Variants in ZNF469 observed in about 807,000 individuals in gnomAD.
ZNF469 encodes the protein zinc finger protein 469.
Under a neutral mutation model 1.0 loss-of-function variants are expected in ZNF469, and 1 was observed. That is an observed-to-expected ratio of 1.00 (90% CI 0.35 to 4.73). The LOEUF (loss-of-function observed/expected upper bound fraction) is 4.73, where lower values mean the gene tolerates loss of function less well. Among genes scored for constraint, ZNF469 ranks in the 30% most tolerant of loss-of-function variants. The probability of loss-of-function intolerance (pLI) is 0.16; values close to 1 mark genes in which losing one functional copy is unlikely to be tolerated. For synonymous variants in ZNF469, 2,703 were observed against 2,363.4 expected (o/e 1.14, Z -4.17); for missense variants, 6,100 against 5,356.3 (o/e 1.14, Z -4.33).
At chr16:88,137,326 G>A in the ZNF469 span, among the ~76,000 whole-genome samples, 1 of 152,190 alleles carries the variant, frequency 6.6e-6, no homozygotes, top group Admixed American at 6.5e-5. Context: ...CCTGTGTACA[G>A]CTATGCATGC....
rs757816736 is a variant in ZNF469 at position 88,437,175 on chromosome 16, G to A, written c.9705G>A (p.Ala3235=). Residue 3235 remains alanine (A), a synonymous_variant, in exon 3 of 3, where the codon GCG becomes GCA. Coordinates refer to ENST00000565624, the MANE Select transcript of ZNF469 (RefSeq NM_001367624.2). ...AHLLNSITEP[A]PKHHRGKRSA... Reference sequence around the variant, plus strand: ...TTCTGAACAGCATCACGGAACCCGCGCCCAAACACCACAGGGGCAAGCGCT... The same window carrying A: ...TTCTGAACAGCATCACGGAACCCGCACCCAAACACCACAGGGGCAAGCGCT... 30 of 1,549,332 alleles carry A rather than the reference G, an allele frequency of 1.9e-5. No homozygotes were observed. Among genetic ancestry groups the A allele is most frequent in the Non-Finnish European group, 2.6e-5 (30 of 1,146,594 alleles).
the ZNF469 span, among the ~76,000 whole-genome samples, chr16:88,330,420 C>T: frequency 2.0e-5 from 3 of 152,374 alleles, no homozygotes; most frequent in East Asian, 1.9e-4. Flanking sequence ...CATTCAGGCT[C>T]CTACCCTGAG....
the ZNF469 span, among the ~76,000 whole-genome samples, chr16:88,352,806 C>T: frequency 6.6e-6 from 1 of 152,196 alleles, no homozygotes; most frequent in Non-Finnish European, 1.5e-5. Flanking sequence ...TATGGCTGCC[C>T]CGGCCTCACA....
the ZNF469 span, among the ~76,000 whole-genome samples, chr16:88,348,253 G>C: frequency 6.6e-6 from 1 of 152,166 alleles, no homozygotes; most frequent in Non-Finnish European, 1.5e-5. Context: ...GTGGCTGCGG[G>C]AGCTCCCTGA....
Position 88,433,127 on chromosome 16 carries a change from A to G in ZNF469, c.5657A>G (p.Asn1886Ser), listed in dbSNP as rs1360360002. 6.5e-7 allele frequency: 1 copy of G among 1,550,258 alleles called. No homozygotes were observed. The change falls in exon 3 of 3, where the codon AAC becomes AGC. Residue 1886 changes from asparagine to serine, a missense_variant. By Grantham distance (46) the Asn-to-Ser change is conservative. Coordinates refer to ENST00000565624, the MANE Select transcript of ZNF469 (RefSeq NM_001367624.2). ...VPVPSPACVS[N>S]THPSRRSQDP... ...GTGCCAAGTCCCGCCTGTGTATCCA[A>G]CACCCACCCTAGCAGGAGGTCCCAG...
the ZNF469 span, among the ~76,000 whole-genome samples, chr16:88,133,179 C>T: frequency 2.6e-5 from 4 of 152,256 alleles, no homozygotes; most frequent in Non-Finnish European, 5.9e-5. Context: ...CTCGGGAAGG[C>T]GGGCACTGAA....
chr16:88,286,087 C>T, the ZNF469 span, among the ~76,000 whole-genome samples: 1 of 152,224 alleles, frequency 6.6e-6, no homozygotes. Flanking sequence ...CCATCGTGCC[C>T]CATTGCTGGG....
chr16:88,227,564 C>T, the ZNF469 span, among the ~76,000 whole-genome samples: 1 of 149,248 alleles, frequency 6.7e-6, no homozygotes, highest in Non-Finnish European at 1.5e-5. Flanking sequence ...GTCTCCTGGC[C>T]CCCGGCCTGG....
chr16:88,256,951 T>TTTCCTTC, the ZNF469 span, among the ~76,000 whole-genome samples: 2 of 16,670 alleles, frequency 1.2e-4, no homozygotes, highest in Admixed American at 1.6e-3. Flanking sequence ...TCTTTCTTTC[T>TTTCCTTC]TTTCTTTTCT....
At chr16:88,327,874 CG>C in the ZNF469 span, among the ~76,000 whole-genome samples, 1 of 152,222 alleles carries the variant, frequency 6.6e-6, no homozygotes, top group African/African-American at 2.4e-5. Flanking sequence ...ACACACCCAC[CG>C]GAAACACACC....
chr16:88,340,278 C>T, the ZNF469 span, among the ~76,000 whole-genome samples: 5 of 152,176 alleles, frequency 3.3e-5, no homozygotes, highest in Non-Finnish European at 5.9e-5. Context: ...GAGTGAGCCA[C>T]GTGTACCAAA....
At chr16:88,239,043 A>G in the ZNF469 span, among the ~76,000 whole-genome samples, 1 of 152,104 alleles carries the variant, frequency 6.6e-6, no homozygotes. Flanking sequence ...AAAACGGGCT[A>G]TGAGTAACTG....
chr16:88,437,798 G>A lies in ZNF469; in HGVS notation c.10328G>A (p.Gly3443Glu), dbSNP rs140056980. The A allele has an allele frequency of 1.2e-4, 192 of 1,546,102 alleles. 1 individual carries two copies. The East Asian group carries it at 3.3e-3, about 27-fold the overall frequency. ...CGCCACATGAACAAGCACCTCAGGG[G>A]GGGGCGGCAGCCCTTCGCGTTCCGC... ...FDRHMNKHLR[G>E]GRQPFAFRGV... The change falls in exon 3 of 3, where the codon GGG becomes GAG. Residue 3443 changes from glycine to glutamate, a missense_variant. Gly to Glu is a moderately conservative substitution (Grantham distance 98). Coordinates refer to ENST00000565624, the MANE Select transcript of ZNF469 (RefSeq NM_001367624.2).
chr16:88,144,240 C>T, the ZNF469 span, among the ~76,000 whole-genome samples: 1 of 152,218 alleles, frequency 6.6e-6, no homozygotes, highest in African/African-American at 2.4e-5. Context: ...CTCTCTGGTC[C>T]CGGCAGAGCT....
chr16:88,376,832 G>A, the ZNF469 span, among the ~76,000 whole-genome samples: 1 of 152,230 alleles, frequency 6.6e-6, no homozygotes, highest in South Asian at 2.1e-4. Flanking sequence ...TTCCCAGAGA[G>A]GCTCCTAGGG....
chr16:88,355,417 G>A, the ZNF469 span, among the ~76,000 whole-genome samples: 10 of 152,322 alleles, frequency 6.6e-5, 1 homozygote, highest in South Asian at 4.1e-4. Context: ...TGGCGCTCAC[G>A]GACGAATCAG....
chr16:88,152,942 C>T, the ZNF469 span, among the ~76,000 whole-genome samples: 1 of 152,210 alleles, frequency 6.6e-6, no homozygotes, highest in Non-Finnish European at 1.5e-5. This position sits in a 1 kb window ranked among gnomAD's most constrained non-coding sequence, Gnocchi z 4.2. Context: ...CCGTCTCCTC[C>T]ACCTCACTGG....
the ZNF469 span, among the ~76,000 whole-genome samples, chr16:88,141,287 A>G: frequency 1.1e-4 from 16 of 152,032 alleles, no homozygotes; most frequent in Non-Finnish European, 2.4e-4. Flanking sequence ...GCAGTTGTGT[A>G]ACAAAAGACA....
At chr16:88,372,221 CCACTAT>C in the ZNF469 span, among the ~76,000 whole-genome samples, 96 of 3,216 alleles carry the variant, frequency 0.03, no homozygotes, top group East Asian at 0.1. Flanking sequence ...ATCACCATCA[CCACTAT>C]CATCACCATC....
Sources: allele counts gnomAD v4.1 joint callset (sites outside exome capture counted in the v4.1 genomes callset), GRCh38; gene constraint gnomAD v4.1.1; non-coding constraint Gnocchi (gnomAD v3.1); transcripts MANE v1.5; gene names NCBI Gene and HGNC (gene_info 2026-07-23, HGNC 2026-07-21).